BID: variants seen among roughly 807,000 people sequenced by gnomAD.
BID encodes the protein BH3 interacting domain death agonist.
Under a neutral mutation model 17.4 loss-of-function variants are expected in BID, and 19 were observed. The ratio of observed to expected loss-of-function variants is 1.09; its 90% CI spans 0.76 to 1.60. The LOEUF is 1.60. Among genes scored for constraint, BID ranks in the 40% most tolerant of loss-of-function variants. The pLI is 0.00. For missense variants in BID, 226 were observed against 256.0 expected (o/e 0.88, Z 0.80); for synonymous variants, 108 against 102.8 (o/e 1.05, Z -0.31).
In BID at chr22:17,738,037, C is replaced by T. The variant is rs61752236; in HGVS notation, c.556G>A (p.Val186Met). 20 of 1,614,152 alleles carry T rather than the reference C, an allele frequency of 1.2e-5. No homozygotes were observed. The highest frequency in any genetic ancestry group is 3.3e-4 in the Middle Eastern group (2 of 6,040). ...NFINQNLRTY[V>M]RSLARNGMD ...CTTACATTTCTGGCTAAGCTCCTCA[C>T]GTAGGTGCGTAGGTTCTGGTTAATA... The change falls in exon 5 of 6, where the codon GTG (valine) becomes ATG (methionine). Residue 186 changes from valine to methionine, a missense_variant. Coordinates refer to ENST00000622694, the MANE Select transcript of BID (RefSeq NM_001196.4).
Position 17,769,773 on chromosome 22 carries a change from G to T in BID, c.-59+4608C>A, listed in dbSNP as rs1175137058. The stretch of plus-strand genomic sequence containing the variant: ...AGTGACCTCCAGCACCCAAAGCTCA[G>T]AGTTCCCAGCTGAACCCAGGAGGCA... On this transcript the variant is annotated intron_variant, in intron 1 of 5. Coordinates refer to ENST00000622694, the MANE Select transcript of BID (RefSeq NM_001196.4). The surrounding 1 kb of genome is among the most constrained non-coding windows in gnomAD (Gnocchi z 4.8). 6.6e-6 allele frequency among the ~76,000 whole-genome samples: 1 copy of T among 152,188 alleles called. No individual in the cohort carries two copies.
At chr22:17,755,770 A>G (rs2061577703) in intron 1 of BID, among the ~76,000 whole-genome samples, 1 of 150,034 alleles carries the variant, frequency 6.7e-6, no homozygotes, top group African/African-American at 2.5e-5. Context: ...ACTGCACTAC[A>G]GCCTGGGCGA....
intron 1 of BID, among the ~76,000 whole-genome samples, chr22:17,762,293 T>G (rs1344087984): frequency 6.6e-6 from 1 of 152,146 alleles, no homozygotes; most frequent in Non-Finnish European, 1.5e-5. Flanking sequence ...GGTCAGGAGT[T>G]TGAGACCAGC....
intron 2 of BID, among the ~76,000 whole-genome samples, chr22:17,747,624 A>G (rs1305702320): frequency 6.6e-6 from 1 of 152,082 alleles, no homozygotes; most frequent in Non-Finnish European, 1.5e-5. Context: ...CCCAGCCTCT[A>G]GATCCACTTT....
chr22:17,766,041 C>G (rs1193858751), intron 1 of BID, among the ~76,000 whole-genome samples: 1 of 152,088 alleles, frequency 6.6e-6, no homozygotes, highest in South Asian at 2.1e-4. Flanking sequence ...CGATCCTCCC[C>G]CCTCAGCCTC....
At chr22:17,757,849 CGCGTTT>C (rs1270598635) in intron 1 of BID, among the ~76,000 whole-genome samples, 1 of 152,216 alleles carries the variant, frequency 6.6e-6, no homozygotes, top group Non-Finnish European at 1.5e-5. Flanking sequence ...CGCTGTCACT[CGCGTTT>C]GCCTGGGAGA....
chr22:17,767,349 C>T (rs368142908), intron 1 of BID, among the ~76,000 whole-genome samples: 1 of 152,092 alleles, frequency 6.6e-6, no homozygotes, highest in East Asian at 1.9e-4. Context: ...AGAGTTCCTC[C>T]AATTCAAGAC....
At chr22:17,751,444 A>C (rs1234523194) in intron 1 of BID, among the ~76,000 whole-genome samples, 1 of 152,114 alleles carries the variant, frequency 6.6e-6, no homozygotes. Flanking sequence ...ATCCTGTTTT[A>C]AAAAGTATTT....
intron 3 of BID, among the ~76,000 whole-genome samples, chr22:17,742,739 G>C (rs1355130688): frequency 6.8e-4 from 103 of 152,332 alleles, no homozygotes; most frequent in Non-Finnish European, 2.9e-5. Context: ...CAGGCAGCTG[G>C]AGTAGGGCCC....
chr22:17,766,949 C>T (rs1054558482), intron 1 of BID, among the ~76,000 whole-genome samples: 1 of 148,216 alleles, frequency 6.7e-6, no homozygotes, highest in African/African-American at 2.5e-5. Context: ...TACAGCCAGG[C>T]GTGGTGGCTC....
chr22:17,754,655 T>A (rs557376939), intron 1 of BID, among the ~76,000 whole-genome samples: 2 of 152,260 alleles, frequency 1.3e-5, no homozygotes, highest in Admixed American at 6.5e-5. Context: ...GGGCCAGATA[T>A]CTGCAGGGCA....
chr22:17,736,235 C>T (rs1197507568), intron 5 of BID, among the ~76,000 whole-genome samples: 2 of 151,968 alleles, frequency 1.3e-5, no homozygotes, highest in Admixed American at 6.6e-5. Context: ...CCGAGGTGGG[C>T]GGATCACCTG....
At chr22:17,751,349 G>A (rs1300349005) in intron 1 of BID, among the ~76,000 whole-genome samples, 4 of 149,452 alleles carry the variant, frequency 2.7e-5, no homozygotes, top group East Asian at 4.0e-4. Flanking sequence ...TCCGCAGTCC[G>A]ACCTGGGCGA....
chr22:17,766,087 G>A (rs953074111), intron 1 of BID, among the ~76,000 whole-genome samples: 1 of 151,936 alleles, frequency 6.6e-6, no homozygotes, highest in African/African-American at 2.4e-5. Context: ...ACCATGCCCG[G>A]CTAATCTTTT....
intron 1 of BID, among the ~76,000 whole-genome samples, chr22:17,771,409 C>A (rs1442552454): frequency 6.6e-6 from 1 of 152,042 alleles, no homozygotes; most frequent in Admixed American, 6.6e-5. Flanking sequence ...GGTCTTTCCC[C>A]TTTAAGACCC....
intron 1 of BID, among the ~76,000 whole-genome samples, chr22:17,772,166 T>C (rs1158065825): frequency 6.6e-6 from 1 of 152,170 alleles, no homozygotes. Flanking sequence ...TCCGTGAGCG[T>C]CCGGCACACA....
intron 1 of BID, among the ~76,000 whole-genome samples, chr22:17,770,984 C>A (rs1448232233): frequency 1.3e-5 from 2 of 152,186 alleles, no homozygotes; most frequent in Non-Finnish European, 2.9e-5. Flanking sequence ...GGGGCCACAG[C>A]AGCCACAGAG....
chr22:17,753,439 C>G (rs1406045398), intron 1 of BID, among the ~76,000 whole-genome samples: 3 of 152,216 alleles, frequency 2.0e-5, no homozygotes, highest in Non-Finnish European at 2.9e-5. Context: ...GCCGCCTCCC[C>G]TAGGCAACGG....
chr22:17,738,504 G>A (rs1032354378), intron 4 of BID, among the ~76,000 whole-genome samples: 26 of 152,304 alleles, frequency 1.7e-4, no homozygotes, highest in African/African-American at 4.6e-4. Context: ...TCATCCCTGC[G>A]CCCAAGGCAC....
Sources: allele counts gnomAD v4.1 joint callset (sites outside exome capture counted in the v4.1 genomes callset), GRCh38; gene constraint gnomAD v4.1.1; non-coding constraint Gnocchi (gnomAD v3.1); transcripts MANE v1.5; gene names NCBI Gene and HGNC (gene_info 2026-07-23, HGNC 2026-07-21).